KLF12: variants seen among roughly 807,000 people sequenced by gnomAD.
The protein encoded by KLF12 is Krueppel-like factor 12.
A neutral mutation model predicts 37.8 loss-of-function variants in KLF12; 9 were observed. The observed-to-expected ratio is 0.24, with a 90% CI of 0.14 to 0.42. KLF12 has a LOEUF of 0.42. Among genes scored for constraint, KLF12 ranks in the 10% least tolerant of loss-of-function variants. The pLI, the probability that KLF12 is intolerant of heterozygous loss-of-function variation, is 1.00. For missense variants in KLF12, 411 were observed against 516.0 expected (o/e 0.80, Z 1.97); for synonymous variants, 208 against 202.1 (o/e 1.03, Z -0.25).
At chr13:74,266,511 A>G in the KLF12 span, among the ~76,000 whole-genome samples, 1 of 152,154 alleles carries the variant, frequency 6.6e-6, no homozygotes, top group Non-Finnish European at 1.5e-5. Context: ...GTTCCAAGCC[A>G]ATCTTAAATG....
the KLF12 span, among the ~76,000 whole-genome samples, chr13:74,200,469 C>T: frequency 6.6e-6 from 1 of 152,106 alleles, no homozygotes; most frequent in African/African-American, 2.4e-5. Flanking sequence ...ATGGAATCAT[C>T]TGCCTGGATT....
chr13:74,031,772 G>A (rs1325788561), intron 1 of KLF12, among the ~76,000 whole-genome samples: 1 of 144,662 alleles, frequency 6.9e-6, no homozygotes, highest in Non-Finnish European at 1.5e-5. Context: ...AGTGTTCCAC[G>A]TGATTCTTTT....
intron 2 of KLF12, among the ~76,000 whole-genome samples, chr13:73,960,544 TA>T (rs1156842501): frequency 6.6e-6 from 1 of 152,164 alleles, no homozygotes; most frequent in East Asian, 1.9e-4. Context: ...TTAGCAATCA[TA>T]AAGTGTAAAA....
At chr13:73,784,610 T>C (rs1485373742) in intron 5 of KLF12, among the ~76,000 whole-genome samples, 3 of 150,054 alleles carry the variant, frequency 2.0e-5, no homozygotes, top group Non-Finnish European at 4.4e-5. Context: ...CTCCAGCATC[T>C]CTGACATACT....
the KLF12 span, among the ~76,000 whole-genome samples, chr13:74,261,152 G>A: frequency 6.6e-6 from 1 of 152,110 alleles, no homozygotes; most frequent in Admixed American, 6.5e-5. Flanking sequence ...AATTTAAAAA[G>A]AGATCAATAT....
At chr13:73,896,375 T>G (rs979250684) in intron 3 of KLF12, among the ~76,000 whole-genome samples, 1 of 152,154 alleles carries the variant, frequency 6.6e-6, no homozygotes, top group African/African-American at 2.4e-5. Flanking sequence ...GAGATTTTTT[T>G]CAAAAGCAAT....
chr13:74,189,952 C>T, the KLF12 span, among the ~76,000 whole-genome samples: 2 of 151,944 alleles, frequency 1.3e-5, no homozygotes, highest in Non-Finnish European at 2.9e-5. Flanking sequence ...TTAACATGTG[C>T]AAGGTATTCC....
At chr13:74,092,780 A>T (rs1378157799) in intron 1 of KLF12, among the ~76,000 whole-genome samples, 1 of 152,246 alleles carries the variant, frequency 6.6e-6, no homozygotes, top group Non-Finnish European at 1.5e-5. Flanking sequence ...AAAAATGGGC[A>T]AATAACTTAG....
the KLF12 span, among the ~76,000 whole-genome samples, chr13:74,225,879 T>C: frequency 2.0e-5 from 3 of 152,136 alleles, no homozygotes; most frequent in African/African-American, 7.2e-5. Flanking sequence ...ACATAGTGAA[T>C]AGCATATGCA....
intron 1 of KLF12, among the ~76,000 whole-genome samples, chr13:74,033,003 T>A (rs966653672): frequency 6.6e-6 from 1 of 152,218 alleles, no homozygotes; most frequent in Non-Finnish European, 1.5e-5. Context: ...AATTTCCTAA[T>A]AATGCCCCAT....
At chr13:73,777,562 G>T (rs1594079369) in intron 5 of KLF12, among the ~76,000 whole-genome samples, 3 of 152,098 alleles carry the variant, frequency 2.0e-5, no homozygotes, top group Middle Eastern at 3.4e-3. Context: ...TACAAAATTA[G>T]CCGGGCGCGG....
At chr13:74,036,153 C>T (rs1257125080) in intron 1 of KLF12, among the ~76,000 whole-genome samples, 1 of 152,186 alleles carries the variant, frequency 6.6e-6, no homozygotes, top group Non-Finnish European at 1.5e-5. Context: ...TCTAAGTCTT[C>T]ACAGATTTTC....
intron 3 of KLF12, among the ~76,000 whole-genome samples, chr13:73,928,641 A>G (rs184304116): frequency 3.2e-4 from 48 of 152,346 alleles, no homozygotes; most frequent in Non-Finnish European, 6.5e-4. Context: ...ATGAAACATG[A>G]TAAAATAATG....
At chr13:74,092,180 C>T (rs1875706759) in intron 1 of KLF12, among the ~76,000 whole-genome samples, 1 of 151,248 alleles carries the variant, frequency 6.6e-6, no homozygotes, top group Non-Finnish European at 1.5e-5. Context: ...GCCTGTAGTC[C>T]CAGCTATCTG....
intron 1 of KLF12, among the ~76,000 whole-genome samples, chr13:74,096,576 T>A (rs539224438): frequency 4.6e-5 from 7 of 152,344 alleles, no homozygotes; most frequent in African/African-American, 1.7e-4. Context: ...ACCTAGGGTT[T>A]CTTTTAAGCT....
the KLF12 span, among the ~76,000 whole-genome samples, chr13:74,142,990 C>T: frequency 6.6e-6 from 1 of 151,284 alleles, no homozygotes; most frequent in African/African-American, 2.4e-5. Flanking sequence ...GACCTTCCTT[C>T]CTTCCTTCTT....
intron 2 of KLF12, among the ~76,000 whole-genome samples, chr13:73,955,938 C>A (rs4580046): frequency 0.66 from 100,079 of 152,050 alleles, 34,632 homozygotes; most frequent in East Asian, 0.82. Flanking sequence ...CCCACCTCCG[C>A]TTTTCCACAT....
At chr13:74,059,809 T>C (rs892188883) in intron 1 of KLF12, among the ~76,000 whole-genome samples, 1 of 152,238 alleles carries the variant, frequency 6.6e-6, no homozygotes, top group African/African-American at 2.4e-5. Context: ...TTTGATTTAG[T>C]TGCATTTGCT....
intron 2 of KLF12, among the ~76,000 whole-genome samples, chr13:73,971,235 A>T (rs1253644100): frequency 1.3e-5 from 2 of 152,212 alleles, no homozygotes; most frequent in African/African-American, 4.8e-5. Context: ...ACTTTTAATA[A>T]GCAATTGCAA....
Sources: gnomAD v4.1 joint callset for allele counts (sites outside exome capture counted in the v4.1 genomes callset) on GRCh38, gnomAD v4.1.1 for gene constraint, MANE v1.5 for transcripts, NCBI Gene and HGNC (gene_info 2026-07-23, HGNC 2026-07-21) for gene names.